ADAM22: variants seen among roughly 807,000 people sequenced by gnomAD.
The protein encoded by ADAM22 is ADAM metallopeptidase domain 22.
In ADAM22, 65 loss-of-function variants were observed where a neutral mutation model predicts 144.6. The ratio of observed to expected loss-of-function variants is 0.45; its 90% CI spans 0.37 to 0.55. ADAM22 has a LOEUF of 0.55. ADAM22 is among the 20% of genes least tolerant of loss of function. The pLI is 0.00. For synonymous variants in ADAM22, 391 were observed against 412.6 expected, an observed-to-expected ratio of 0.95 and a Z score of 0.63; for missense variants, 974 against 1,184.9, an observed-to-expected ratio of 0.82 and a Z score of 2.61.
chr7:87,993,900 A>C (rs1790478295), intron 3 of ADAM22, among the ~76,000 whole-genome samples: 1 of 152,210 alleles, frequency 6.6e-6, no homozygotes, highest in Non-Finnish European at 1.5e-5. Flanking sequence ...AGCCCTACTC[A>C]AAGAGTTATT....
chr7:88,130,242 GT>G, intron 9 of ADAM22, 145 bp from the exon 10 acceptor site: 1 of 623,622 alleles, frequency 1.6e-6, no homozygotes, highest in Non-Finnish European at 2.7e-6. Context: ...CTCTGACATT[GT>G]TTTACAGACA....
chr7:88,192,766 T>A (rs1849891679), intron 30 of ADAM22, among the ~76,000 whole-genome samples: 1 of 152,194 alleles, frequency 6.6e-6, no homozygotes, highest in African/African-American at 2.4e-5. Flanking sequence ...AGGCACAATA[T>A]TAATATTTTA....
chr7:88,074,970 T>C (rs1813854100), intron 3 of ADAM22, among the ~76,000 whole-genome samples: 1 of 152,164 alleles, frequency 6.6e-6, no homozygotes, highest in African/African-American at 2.4e-5. Flanking sequence ...TTATTTATAT[T>C]TTAGTGCTTT....
At chr7:87,950,989 TG>T (rs1197316017) in intron 2 of ADAM22, among the ~76,000 whole-genome samples, 3 of 152,220 alleles carry the variant, frequency 2.0e-5, no homozygotes, top group Non-Finnish European at 4.4e-5. Flanking sequence ...TGGGGTTGTT[TG>T]TTTTTTTCTT....
chr7:87,940,052 T>C (rs1842158018), intron 2 of ADAM22, among the ~76,000 whole-genome samples: 1 of 151,840 alleles, frequency 6.6e-6, no homozygotes, highest in South Asian at 2.1e-4. Context: ...ATTAGCCTGG[T>C]GTGGTGGTGG....
intron 3 of ADAM22, among the ~76,000 whole-genome samples, chr7:87,983,312 TTTA>T (rs1854172900): frequency 6.6e-6 from 1 of 151,858 alleles, no homozygotes. Context: ...CAGTGTATTT[TTTA>T]AAATGTTAAG....
chr7:88,153,176 C>A, intron 20 of ADAM22, 45 bp from the exon 21 acceptor site: 1 of 1,404,812 alleles, frequency 7.1e-7, no homozygotes, highest in South Asian at 1.2e-5. Context: ...TTTGAGCAGC[C>A]AAATCGTACT....
At chr7:88,085,157 T>G (rs1255478514) in intron 4 of ADAM22, among the ~76,000 whole-genome samples, 1 of 152,182 alleles carries the variant, frequency 6.6e-6, no homozygotes, top group Non-Finnish European at 1.5e-5. Flanking sequence ...ACACCTTCCT[T>G]AAGAGCCCTG....
intron 2 of ADAM22, among the ~76,000 whole-genome samples, chr7:87,973,055 C>G (rs982531228): frequency 6.6e-6 from 1 of 152,112 alleles, no homozygotes; most frequent in African/African-American, 2.4e-5. Flanking sequence ...TCTCAAACCC[C>G]CAAAGCAATG....
At chr7:87,961,841 A>G (rs150686995) in intron 2 of ADAM22, among the ~76,000 whole-genome samples, 113 of 152,352 alleles carry the variant, frequency 7.4e-4, no homozygotes, top group Non-Finnish European at 1.2e-3. Flanking sequence ...GGAACAGACT[A>G]TAAATGGGGG....
chr7:88,003,783 A>AG (rs1274418240), intron 3 of ADAM22, among the ~76,000 whole-genome samples: 1 of 152,194 alleles, frequency 6.6e-6, no homozygotes, highest in Non-Finnish European at 1.5e-5. Flanking sequence ...TCCTAAAAAA[A>AG]GTTTCTAAGG....
At position 88,113,697 on chromosome 7, in the gene ADAM22, TAA is replaced by T. The variant is rs1491128185; in HGVS notation, c.474-885_474-884del. On this transcript the variant is annotated intron_variant, in intron 5 of 31. Coordinates refer to ENST00000413139, the MANE Select transcript of ADAM22 (RefSeq NM_001324418.2). ...ATATAATATATATATTATAAATAAATAAATAAATATATATATATATATATATA... is the reference window on the plus strand; with the variant it reads ...ATATAATATATATATTATAAATAAATATAAATATATATATATATATATATA... Among the ~76,000 whole-genome samples the T allele has an allele frequency of 2.6e-3, 170 of 64,248 alleles. 3 individuals are homozygous for T. Among genetic ancestry groups the T allele is most frequent in the African/African-American group, 0.011 (137 of 12,516 alleles). 42.1% of individuals were successfully genotyped at this position (64,248 alleles called of 152,430 possible).
intron 3 of ADAM22, among the ~76,000 whole-genome samples, chr7:88,057,936 A>G (rs763045759): frequency 7.2e-5 from 11 of 152,232 alleles, no homozygotes; most frequent in Admixed American, 1.3e-4. Flanking sequence ...TTAATCCAGT[A>G]ATTTTCCATC....
intron 3 of ADAM22, among the ~76,000 whole-genome samples, chr7:88,018,158 A>C (rs1193258265): frequency 6.6e-6 from 1 of 152,180 alleles, no homozygotes; most frequent in African/African-American, 2.4e-5. Flanking sequence ...TTGTGGGCTA[A>C]TTCATTTGTA....
At chr7:88,056,092 A>ATT (rs1808180747) in intron 3 of ADAM22, among the ~76,000 whole-genome samples, 1 of 152,124 alleles carries the variant, frequency 6.6e-6, no homozygotes, top group African/African-American at 2.4e-5. Context: ...CTTCCATTTA[A>ATT]TTTCATTGCA....
chr7:87,972,602 C>A (rs951846936), intron 2 of ADAM22, among the ~76,000 whole-genome samples: 5 of 152,160 alleles, frequency 3.3e-5, no homozygotes, highest in African/African-American at 1.2e-4. Context: ...TCATATGGAA[C>A]CAAAAAAGAG....
At chr7:88,111,844 A>G (rs1183673769) in intron 5 of ADAM22, among the ~76,000 whole-genome samples, 2 of 152,202 alleles carry the variant, frequency 1.3e-5, no homozygotes, top group Non-Finnish European at 2.9e-5. Flanking sequence ...TCATATAGCA[A>G]TCTAGAGTCT....
intron 5 of ADAM22, among the ~76,000 whole-genome samples, chr7:88,111,959 G>A (rs906821682): frequency 5.9e-5 from 9 of 152,106 alleles, no homozygotes; most frequent in Admixed American, 5.2e-4. Context: ...CCTAGTATAA[G>A]GATAAATAAC....
intron 3 of ADAM22, among the ~76,000 whole-genome samples, chr7:88,064,270 G>A (rs1027141471): frequency 7.2e-5 from 11 of 152,186 alleles, no homozygotes; most frequent in Admixed American, 3.9e-4. Flanking sequence ...AATTATGGGA[G>A]GAGTAAAGAT....
Sources: gnomAD v4.1 joint callset for allele counts (sites outside exome capture counted in the v4.1 genomes callset) on GRCh38, gnomAD v4.1.1 for gene constraint, MANE v1.5 for transcripts, NCBI Gene and HGNC (gene_info 2026-07-23, HGNC 2026-07-21) for gene names.